The following ADGRB3 variants were observed in gnomAD, a reference collection of about 807,000 sequenced individuals.
The protein encoded by ADGRB3 is brain-specific angiogenesis inhibitor 3.
ADGRB3 carries 37 observed loss-of-function variants against 193.4 expected under a neutral mutation model. The observed-to-expected ratio is 0.19, with a 90% CI of 0.15 to 0.25. The LOEUF is 0.25. Ranked by LOEUF, ADGRB3 falls within the 10% of genes least tolerant of loss-of-function variation. ADGRB3 has a pLI of 1.00. For missense variants in ADGRB3, 1,637 were observed against 1,852.9 expected, an observed-to-expected ratio of 0.88 and a Z score of 2.14; for synonymous variants, 690 against 644.2, an observed-to-expected ratio of 1.07 and a Z score of -1.08.
At chr6:68,993,581 C>A (rs1438927951) in intron 10 of ADGRB3, among the ~76,000 whole-genome samples, 187 bp from the exon 11 acceptor site, 1 of 152,178 alleles carries the variant, frequency 6.6e-6, no homozygotes, top group Non-Finnish European at 1.5e-5. Flanking sequence ...CTCATTAATT[C>A]TTGCATGCTG....
intron 3 of ADGRB3, among the ~76,000 whole-genome samples, chr6:68,921,864 A>G (rs1465409012): frequency 6.6e-6 from 1 of 152,130 alleles, no homozygotes; most frequent in Non-Finnish European, 1.5e-5. Flanking sequence ...TACAAAGACC[A>G]GTAAGACCGC....
At chr6:68,726,726 C>G (rs1198982620) in intron 3 of ADGRB3, among the ~76,000 whole-genome samples, 1 of 151,586 alleles carries the variant, frequency 6.6e-6, no homozygotes, top group African/African-American at 2.4e-5. Flanking sequence ...GATTCTGGCC[C>G]TACATGTCTT....
At chr6:68,991,866 A>G (rs1231536665) in intron 10 of ADGRB3, among the ~76,000 whole-genome samples, 1 of 152,168 alleles carries the variant, frequency 6.6e-6, no homozygotes, top group Admixed American at 6.6e-5. Flanking sequence ...GAAACATGGT[A>G]AGCTGAGTGT....
chr6:69,218,983 AC>A (rs1469690222), intron 17 of ADGRB3, among the ~76,000 whole-genome samples: 3 of 152,112 alleles, frequency 2.0e-5, no homozygotes, highest in Non-Finnish European at 2.9e-5. Flanking sequence ...TAGTTACTGT[AC>A]TTCCCTTCCT....
intron 3 of ADGRB3, among the ~76,000 whole-genome samples, chr6:68,847,888 GA>G (rs1317229630): frequency 6.6e-6 from 1 of 151,326 alleles, no homozygotes; most frequent in Non-Finnish European, 1.5e-5. Context: ...TGAAAAGAAG[GA>G]AGGGAGACAC....
At chr6:68,996,109 T>A (rs890303403) in intron 11 of ADGRB3, among the ~76,000 whole-genome samples, 6 of 152,214 alleles carry the variant, frequency 3.9e-5, no homozygotes, top group African/African-American at 1.4e-4. Context: ...CTAATCTTAA[T>A]TCCAAGTTTT....
intron 17 of ADGRB3, among the ~76,000 whole-genome samples, chr6:69,213,503 G>A (rs1765710756): frequency 2.0e-5 from 3 of 152,104 alleles, no homozygotes; most frequent in Admixed American, 1.3e-4. Flanking sequence ...AATTCTCATG[G>A]AGAACATTCT....
At chr6:68,798,322 T>C (rs1405892978) in intron 3 of ADGRB3, among the ~76,000 whole-genome samples, 1 of 152,210 alleles carries the variant, frequency 6.6e-6, no homozygotes, top group Non-Finnish European at 1.5e-5. Context: ...AAGAGATGAA[T>C]AAACACTGTG....
intron 17 of ADGRB3, among the ~76,000 whole-genome samples, chr6:69,097,804 C>T (rs1772926154): frequency 6.6e-6 from 1 of 151,726 alleles, no homozygotes; most frequent in Admixed American, 6.6e-5. Context: ...TTTTAATAAA[C>T]AAATATATTC....
intron 3 of ADGRB3, among the ~76,000 whole-genome samples, chr6:68,787,975 G>C (rs1040868801): frequency 1.1e-4 from 17 of 152,096 alleles, no homozygotes; most frequent in African/African-American, 3.9e-4. Context: ...ATGGTAGTTT[G>C]TATTTCTGTG....
chr6:68,705,089 T>G (rs893264124), intron 3 of ADGRB3, among the ~76,000 whole-genome samples: 4 of 152,224 alleles, frequency 2.6e-5, no homozygotes, highest in Non-Finnish European at 4.4e-5. Flanking sequence ...TCTTGCTTCC[T>G]TTTTATTTGT....
intron 21 of ADGRB3, among the ~76,000 whole-genome samples, chr6:69,327,021 G>A (rs774873037): frequency 2.6e-5 from 4 of 152,130 alleles, no homozygotes; most frequent in Non-Finnish European, 5.9e-5. Context: ...AGAATAGCAG[G>A]AGGTATGTGA....
chr6:68,790,351 A>G (rs1767076287), intron 3 of ADGRB3, among the ~76,000 whole-genome samples: 1 of 152,140 alleles, frequency 6.6e-6, no homozygotes, highest in African/African-American at 2.4e-5. Flanking sequence ...TGTAGGCTCC[A>G]CCTCTGGGGG....
chr6:69,171,694 G>A (rs961678010), intron 17 of ADGRB3, among the ~76,000 whole-genome samples: 2 of 151,956 alleles, frequency 1.3e-5, no homozygotes, highest in Non-Finnish European at 1.5e-5. Context: ...TCCCCTGGAT[G>A]TGAACAAAGG....
intron 20 of ADGRB3, among the ~76,000 whole-genome samples, chr6:69,261,512 A>G (rs1030454401): frequency 6.6e-6 from 1 of 152,104 alleles, no homozygotes; most frequent in African/African-American, 2.4e-5. Context: ...CTATTTGAAA[A>G]TTGTAGAGCC....
At chr6:69,287,997 G>T (rs1355202014) in intron 20 of ADGRB3, among the ~76,000 whole-genome samples, 3 of 151,648 alleles carry the variant, frequency 2.0e-5, no homozygotes, top group African/African-American at 7.3e-5. Context: ...TTGTTATGTG[G>T]GTGACTAGAA....
chr6:68,964,453 A>G (rs371684222), intron 8 of ADGRB3, among the ~76,000 whole-genome samples: 10 of 152,122 alleles, frequency 6.6e-5, no homozygotes, highest in African/African-American at 2.4e-4. Flanking sequence ...TGTGCCTCCA[A>G]ATACTATCAT....
intron 17 of ADGRB3, among the ~76,000 whole-genome samples, chr6:69,197,089 C>T (rs1765316980): frequency 6.6e-6 from 1 of 151,956 alleles, no homozygotes; most frequent in Non-Finnish European, 1.5e-5. Flanking sequence ...TGTCTCTTAT[C>T]ATTATATTAT....
At chr6:69,260,701 C>G (rs1766904592) in intron 20 of ADGRB3, among the ~76,000 whole-genome samples, 1 of 152,122 alleles carries the variant, frequency 6.6e-6, no homozygotes, top group African/African-American at 2.4e-5. Flanking sequence ...TCCCATATAG[C>G]TCTACGATTC....
Sources: allele counts gnomAD v4.1 joint callset (sites outside exome capture counted in the v4.1 genomes callset), GRCh38; gene constraint gnomAD v4.1.1; transcripts MANE v1.5; gene names NCBI Gene and HGNC (gene_info 2026-07-23, HGNC 2026-07-21).